Variants in ROR2 observed in about 807,000 individuals in gnomAD.
ROR2 encodes the protein tyrosine-protein kinase transmembrane receptor ROR2.
ROR2 carries 33 observed loss-of-function variants against 74.9 expected under a neutral mutation model. That is an observed-to-expected ratio of 0.44 (90% CI 0.33 to 0.59). ROR2 has a LOEUF of 0.59. ROR2 is among the 20% of genes least tolerant of loss of function. ROR2 has a pLI of 0.02. For missense variants in ROR2, 1,216 were observed against 1,313.8 expected (o/e 0.93, Z 1.15); for synonymous variants, 586 against 558.7 (o/e 1.05, Z -0.69).
chr9:91,917,467 C>T (rs775978349), intron 1 of ROR2, among the ~76,000 whole-genome samples: 6 of 152,150 alleles, frequency 3.9e-5, no homozygotes, highest in East Asian at 1.9e-4. Flanking sequence ...CAGGGAAGCT[C>T]GTGTGTCCTC....
intron 4 of ROR2, among the ~76,000 whole-genome samples, chr9:91,741,726 A>G (rs1739879991): frequency 6.6e-6 from 1 of 152,176 alleles, no homozygotes; most frequent in Admixed American, 6.5e-5. Flanking sequence ...TGCCTAGGTG[A>G]AGCAGAGGAA....
chr9:91,864,670 A>G (rs963336293), intron 1 of ROR2, among the ~76,000 whole-genome samples: 2 of 152,198 alleles, frequency 1.3e-5, no homozygotes, highest in African/African-American at 4.8e-5. Context: ...TCAAGAATCA[A>G]CTGCTTCCCA....
intron 1 of ROR2, among the ~76,000 whole-genome samples, chr9:91,808,812 T>C (rs992708165): frequency 6.6e-6 from 1 of 151,028 alleles, no homozygotes; most frequent in Non-Finnish European, 1.5e-5. Context: ...CATATTTTTT[T>C]TTACTAAAAA....
intron 7 of ROR2, among the ~76,000 whole-genome samples, chr9:91,727,668 T>TC (rs1837090922): frequency 6.6e-6 from 1 of 152,014 alleles, no homozygotes; most frequent in African/African-American, 2.4e-5. Flanking sequence ...CTTTCCCACA[T>TC]CCCCAGAAAA....
intron 1 of ROR2, among the ~76,000 whole-genome samples, chr9:91,890,845 G>A (rs1337215327): frequency 1.3e-5 from 2 of 152,096 alleles, no homozygotes; most frequent in Non-Finnish European, 2.9e-5. Context: ...GAGTTAACTA[G>A]GCCTATTTTG....
chr9:91,822,391 GAAGA>G (rs1828164311), intron 1 of ROR2, among the ~76,000 whole-genome samples: 1 of 152,134 alleles, frequency 6.6e-6, no homozygotes. Flanking sequence ...TGCCAGATTG[GAAGA>G]AAGACTCAAA....
rs1326165700 is a variant in ROR2 at position 91,733,236 on chromosome 9, G to A, written c.823C>T (p.Pro275Ser). 1.2e-6 allele frequency: 2 copies of A among 1,612,756 alleles called. No individual in the cohort carries two copies. The highest frequency in any genetic ancestry group is 1.7e-6 in the Non-Finnish European group (2 of 1,179,714). The part of the protein sequence containing the change: ...RQEYTIARSN[P>S]LILMRLQLPK... ...AGCTGAAGCCGCATGAGGATGAGCG[G>A]GTTGGAGCGGGCGATGGTGTACTCC... Residue 275 changes from proline (P) to serine (S), a missense_variant, in exon 6 of 9, where the codon CCG (proline) becomes TCG (serine). Physicochemically the swap from Pro to Ser is moderately conservative, Grantham distance 74 (BLOSUM62 -1). Transcript: ENST00000375708. The surrounding 1 kb of genome is among the most constrained non-coding windows in gnomAD (Gnocchi z 5.7).
At chr9:91,810,029 C>T (rs926961305) in intron 1 of ROR2, among the ~76,000 whole-genome samples, 5 of 152,256 alleles carry the variant, frequency 3.3e-5, no homozygotes, top group African/African-American at 9.6e-5. Context: ...GCGACTAAAT[C>T]GGCCACGCCA....
intron 1 of ROR2, among the ~76,000 whole-genome samples, chr9:91,845,692 G>A (rs1199114202): frequency 6.6e-6 from 1 of 151,842 alleles, no homozygotes; most frequent in Non-Finnish European, 1.5e-5. Flanking sequence ...GAAGAGCCTG[G>A]CCAACATGGC....
chr9:91,788,475 C>T lies in ROR2; in HGVS notation c.98-12657G>A, dbSNP rs190942884. Among the ~76,000 whole-genome samples, 313 of 151,820 alleles carry T rather than the reference C, an allele frequency of 2.1e-3. 1 individual carries two copies. The highest frequency in any genetic ancestry group is 7.1e-3 in the African/African-American group (292 of 41,338). On this transcript the variant is annotated intron_variant, in intron 1 of 8. Coordinates refer to ENST00000375708, the MANE Select transcript of ROR2 (RefSeq NM_004560.4). Reference sequence around the variant, plus strand: ...AAGCGGTTTATCTCATAAAAGGGATCTTCAATAATGTTAAAAGCTGGCTTC... The same window carrying T: ...AAGCGGTTTATCTCATAAAAGGGATTTTCAATAATGTTAAAAGCTGGCTTC...
intron 2 of ROR2, among the ~76,000 whole-genome samples, chr9:91,765,285 C>T (rs1403645913): frequency 6.6e-6 from 1 of 152,130 alleles, no homozygotes; most frequent in Non-Finnish European, 1.5e-5. Flanking sequence ...TCTTTCTTTT[C>T]TAGAAGGTCT....
chr9:91,931,141 A>G (rs1307645837), intron 1 of ROR2, among the ~76,000 whole-genome samples: 1 of 152,240 alleles, frequency 6.6e-6, no homozygotes, highest in Non-Finnish European at 1.5e-5. Context: ...ACTGAGGGAA[A>G]ATAAATATCA....
intron 1 of ROR2, among the ~76,000 whole-genome samples, chr9:91,810,874 A>G (rs537393631): frequency 1.3e-5 from 2 of 152,362 alleles, no homozygotes; most frequent in East Asian, 1.9e-4. Context: ...GAGGGGAGAC[A>G]TCGGCACTCT....
At chr9:91,755,163 GA>G (rs10718991) in intron 4 of ROR2, among the ~76,000 whole-genome samples, 17,659 of 151,646 alleles carry the variant, frequency 0.12, 1,151 homozygotes, top group South Asian at 0.25. Context: ...TTTGGGGGGG[GA>G]AAAAAATCTG....
intron 1 of ROR2, among the ~76,000 whole-genome samples, chr9:91,880,256 G>A (rs1830071755): frequency 6.6e-6 from 1 of 152,166 alleles, no homozygotes; most frequent in African/African-American, 2.4e-5. Context: ...GGCCACAGGA[G>A]AAACCAGCCC....
intron 4 of ROR2, among the ~76,000 whole-genome samples, chr9:91,742,848 T>C (rs945559635): frequency 6.6e-6 from 1 of 152,248 alleles, no homozygotes; most frequent in Non-Finnish European, 1.5e-5. Context: ...GCTCCATTCA[T>C]GGTAAGTGCC....
At chr9:91,726,851 T>G in intron 7 of ROR2, 108 bp from the exon 8 acceptor site, 2 of 1,000,082 alleles carry the variant, frequency 2.0e-6, no homozygotes, top group Middle Eastern at 4.6e-4. Flanking sequence ...CGTGCACGTG[T>G]GTCATCACCT....
rs563495913 is a variant in ROR2 at position 91,787,495 on chromosome 9, ACT to A, written c.98-11679_98-11678del. On this transcript the variant is annotated intron_variant, in intron 1 of 8. Coordinates refer to ENST00000375708, the MANE Select transcript of ROR2 (RefSeq NM_004560.4). ...ACTTCAGCCTGGGAGACGGAACAAG[ACT>A]CTGTCTCAAAATAAATAAATAAATA... 2.1e-3 allele frequency among the ~76,000 whole-genome samples: 321 copies of A among 152,126 alleles called. 3 individuals carry two copies. The highest frequency in any genetic ancestry group is 7.2e-3 in the African/African-American group (300 of 41,508).
intron 2 of ROR2, among the ~76,000 whole-genome samples, chr9:91,775,304 G>A (rs1465050332): frequency 1.3e-5 from 2 of 152,216 alleles, no homozygotes; most frequent in African/African-American, 2.4e-5. Context: ...GTGCATTCCT[G>A]CAAGGTGTGC....
Sources: allele counts gnomAD v4.1 joint callset (sites outside exome capture counted in the v4.1 genomes callset), GRCh38; gene constraint gnomAD v4.1.1; non-coding constraint Gnocchi (gnomAD v3.1); transcripts MANE v1.5; gene names NCBI Gene and HGNC (gene_info 2026-07-23, HGNC 2026-07-21).